The following GOLM1 variants were observed in gnomAD, a reference collection of about 807,000 sequenced individuals.
GOLM1 encodes epididymis luminal protein 46.
In GOLM1, 31 loss-of-function variants were observed where a neutral mutation model predicts 50.5. That is an observed-to-expected ratio of 0.61 (90% CI 0.46 to 0.83). GOLM1 has a LOEUF of 0.83. GOLM1 is among the 40% of genes least tolerant of loss of function. The probability of loss-of-function intolerance (pLI) is 0.00; values close to 1 mark genes in which losing one functional copy is unlikely to be tolerated. For synonymous variants in GOLM1, 178 were observed against 192.8 expected (o/e 0.92, Z 0.64); for missense variants, 491 against 501.3 (o/e 0.98, Z 0.20).
At chr9:86,063,774 G>C (rs562679771) in intron 3 of GOLM1, among the ~76,000 whole-genome samples, 498 of 152,288 alleles carry the variant, frequency 3.3e-3, no homozygotes, top group African/African-American at 0.011. Context: ...CCTCCGTTAC[G>C]CCTTCTATGG....
chr9:86,043,029 G>A (rs1316818784), intron 5 of GOLM1, among the ~76,000 whole-genome samples: 1 of 152,164 alleles, frequency 6.6e-6, no homozygotes, highest in Non-Finnish European at 1.5e-5. Flanking sequence ...TGCAATTGAT[G>A]GCCAGAGTAC....
intron 4 of GOLM1, among the ~76,000 whole-genome samples, chr9:86,050,889 T>G (rs11141194): frequency 0.11 from 16,781 of 152,234 alleles, 933 homozygotes; most frequent in Non-Finnish European, 0.13. Flanking sequence ...TCTTAGCTAT[T>G]TCTTGCCTTC....
At chr9:86,041,548 C>T (rs1281202424) in intron 5 of GOLM1, among the ~76,000 whole-genome samples, 4 of 152,170 alleles carry the variant, frequency 2.6e-5, no homozygotes, top group African/African-American at 7.2e-5. Flanking sequence ...ACAGGGCAGC[C>T]GTTCCTGTCT....
chr9:86,079,214 C>T lies in GOLM1; in HGVS notation c.107G>A (p.Ser36Asn). 1.9e-6 allele frequency: 3 copies of T among 1,599,366 alleles called. No homozygotes were observed. The highest frequency in any genetic ancestry group is 2.6e-6 in the Non-Finnish European group (3 of 1,172,598). ...CACCTGGAGGTCCACGCTCCGGGAG[C>T]TCGCAATCCAGTAGTTGAAGCCCAA... Reference protein sequence around the residue: ...IVLGFNYWIASSRSVDLQTRI... With the variant: ...IVLGFNYWIANSRSVDLQTRI... Residue 36 changes from serine to asparagine, a missense_variant, in exon 2 of 10, where the codon AGC (serine) becomes AAC (asparagine). Ser to Asn is a conservative substitution (Grantham distance 46). Coordinates refer to ENST00000388712, the MANE Select transcript of GOLM1 (RefSeq NM_016548.4).
At chr9:86,090,572 CG>C (rs1264712213) in intron 1 of GOLM1, among the ~76,000 whole-genome samples, 2 of 152,078 alleles carry the variant, frequency 1.3e-5, no homozygotes, top group Non-Finnish European at 2.9e-5. Context: ...TCAGCAATGG[CG>C]GATGCCCCTC....
chr9:86,079,957 T>TAC (rs1834739713), intron 1 of GOLM1: 1 of 151,986 alleles, frequency 6.6e-6, no homozygotes, highest in African/African-American at 2.4e-5. Flanking sequence ...CCCCCCCATG[T>TAC]ACATCATTAT....
At chr9:86,033,594 T>C (rs922761294) in intron 8 of GOLM1, among the ~76,000 whole-genome samples, 199 bp from the exon 9 acceptor site, 1 of 152,190 alleles carries the variant, frequency 6.6e-6, no homozygotes, top group Non-Finnish European at 1.5e-5. Context: ...GGACTCGGAA[T>C]CTACAGACAG....
Position 86,026,871 on chromosome 9 carries a change from GT to G in GOLM1, c.*945del. ...CATTGTATTCCTGTTTTTCTAAACAGTCCTAATTTCTAACACTGTATATATC... is the reference window on the plus strand; with the variant it reads ...CATTGTATTCCTGTTTTTCTAAACAGCCTAATTTCTAACACTGTATATATC... On this transcript the variant is annotated 3_prime_UTR_variant, in exon 10 of 10. Transcript: ENST00000388712. 1.0e-6 allele frequency: 1 copy of G among 983,716 alleles called. No homozygotes were observed. The highest frequency in any genetic ancestry group is 4.7e-5 in the South Asian group (1 of 21,254). The allele number at this position is 983,716 out of a possible 1,614,324, so 60.9% of individuals were successfully genotyped here. A position where few individuals can be genotyped will look rare whatever the true frequency, so the allele number is the denominator to read the frequency against.
intron 6 of GOLM1, among the ~76,000 whole-genome samples, chr9:86,039,820 T>A (rs915196535): frequency 6.6e-6 from 1 of 151,728 alleles, no homozygotes; most frequent in African/African-American, 2.4e-5. Flanking sequence ...ATACAAAAAT[T>A]AGCCAGGTGT....
chr9:86,054,267 C>CTT (rs1377924416), intron 3 of GOLM1, among the ~76,000 whole-genome samples: 37 of 140,170 alleles, frequency 2.6e-4, no homozygotes, highest in African/African-American at 7.4e-4. Context: ...CACTCATTGA[C>CTT]TTTTTTTTTT....
At chr9:86,046,124 A>G (rs553911283) in intron 5 of GOLM1, among the ~76,000 whole-genome samples, 5 of 152,328 alleles carry the variant, frequency 3.3e-5, no homozygotes, top group East Asian at 1.9e-4. Flanking sequence ...TACTATATCA[A>G]TATTTTGCCA....
intron 1 of GOLM1, among the ~76,000 whole-genome samples, chr9:86,094,700 CAGGAG>C (rs1835300970): frequency 1.3e-5 from 2 of 152,122 alleles, no homozygotes; most frequent in Non-Finnish European, 2.9e-5. Context: ...TAGGCTGAGG[CAGGAG>C]GATCACTTGA....
In GOLM1 at chr9:86,073,363, G is replaced by A. The variant is rs74817258; in HGVS notation, c.309+4049C>T. 9.5e-3 allele frequency among the ~76,000 whole-genome samples: 1,440 copies of A among 152,188 alleles called. 13 individuals are homozygous for A. The highest frequency in any genetic ancestry group is 0.032 in the African/African-American group (1,345 of 41,498). Reference sequence around the variant, plus strand: ...TAATCTGTATTTTGTTCATAAGCTCGCAGGTGGTTATCACGAGCAGCCAGG... The same window carrying A: ...TAATCTGTATTTTGTTCATAAGCTCACAGGTGGTTATCACGAGCAGCCAGG... On this transcript the variant is annotated intron_variant, in intron 3 of 9. Transcript: ENST00000388712.
At chr9:86,029,124 T>TG (rs1189101426) in intron 9 of GOLM1, among the ~76,000 whole-genome samples, 1 of 152,132 alleles carries the variant, frequency 6.6e-6, no homozygotes, top group East Asian at 1.9e-4. Flanking sequence ...CCCAAAGTGC[T>TG]GGGATTACAA....
intron 1 of GOLM1, among the ~76,000 whole-genome samples, chr9:86,082,671 G>A (rs1335247140): frequency 1.3e-5 from 2 of 151,268 alleles, no homozygotes; most frequent in African/African-American, 4.9e-5. Flanking sequence ...AAACTCCTGG[G>A]CTCAGTGATC....
At chr9:86,046,428 C>G (rs1411148835) in intron 5 of GOLM1, 42 bp downstream of exon 5, 1 of 1,181,868 alleles carries the variant, frequency 8.5e-7, no homozygotes, top group East Asian at 2.3e-5. Context: ...TCCCAGGTGC[C>G]GTGCACCCTG....
At chr9:86,044,887 GGTTGC>G (rs1833483691) in intron 5 of GOLM1, among the ~76,000 whole-genome samples, 1 of 151,888 alleles carries the variant, frequency 6.6e-6, no homozygotes, top group Admixed American at 6.6e-5. Context: ...GGGAGGCAGA[GGTTGC>G]AGTGAGCTGA....
At chr9:86,033,074 T>C (rs1833032515) in intron 9 of GOLM1, among the ~76,000 whole-genome samples, 2 of 152,212 alleles carry the variant, frequency 1.3e-5, no homozygotes, top group African/African-American at 4.8e-5. Flanking sequence ...CGATGCAGAC[T>C]TTCCGAATGG....
rs564425774 is a variant in GOLM1 at position 86,032,432 on chromosome 9, G to A, written c.1129+850C>T. Among the ~76,000 whole-genome samples, 8 of 152,206 alleles carry A rather than the reference G, an allele frequency of 5.3e-5. 1 individual carries two copies. In the East Asian group the frequency reaches 5.8e-4, roughly 11 times the overall value. On this transcript the variant is annotated intron_variant, in intron 9 of 9. Transcript: ENST00000388712. ...TCTGCCTGCCTTGGTCTCCCAAAGC[G>A]CTGGGATTACAGGTGTGAGCCACCA...
Sources: gnomAD v4.1 joint callset for allele counts (sites outside exome capture counted in the v4.1 genomes callset) on GRCh38, gnomAD v4.1.1 for gene constraint, MANE v1.5 for transcripts, NCBI Gene and HGNC (gene_info 2026-07-23, HGNC 2026-07-21) for gene names.